The following NEGR1 variants were observed in gnomAD, a reference collection of about 807,000 sequenced individuals.
NEGR1 encodes IgLON family member 4.
In NEGR1, 10 loss-of-function variants were observed where a neutral mutation model predicts 40.9. That is an observed-to-expected ratio of 0.24 (90% CI 0.15 to 0.42). The LOEUF (loss-of-function observed/expected upper bound fraction) is 0.42. Among genes scored for constraint, NEGR1 ranks in the 10% least tolerant of loss-of-function variants. The pLI, the probability that NEGR1 is intolerant of heterozygous loss-of-function variation, is 1.00. For synonymous variants in NEGR1, 185 were observed against 166.8 expected (o/e 1.11, Z -0.84); for missense variants, 352 against 438.9 (o/e 0.80, Z 1.77).
chr1:71,626,409 T>C (rs1210172591), intron 4 of NEGR1, among the ~76,000 whole-genome samples: 2 of 138,530 alleles, frequency 1.4e-5, no homozygotes, highest in Non-Finnish European at 3.1e-5. Context: ...CCCCTTCCTA[T>C]GTCCATGTAT....
chr1:71,652,409 A>T (rs1224572809), intron 4 of NEGR1, among the ~76,000 whole-genome samples: 1 of 152,172 alleles, frequency 6.6e-6, no homozygotes, highest in Non-Finnish European at 1.5e-5. Flanking sequence ...AGTCAGCAAC[A>T]TGGTCAAATC....
At chr1:72,196,666 A>AGGC (rs79323473) in intron 1 of NEGR1, among the ~76,000 whole-genome samples, 72,462 of 151,146 alleles carry the variant, frequency 0.48, 18,073 homozygotes, top group African/African-American at 0.59. Context: ...GTTACAAGTG[A>AGGC]TCAAGGATGA....
At position 71,673,294 on chromosome 1, in the gene NEGR1, T is replaced by C. The variant is rs558417609; in HGVS notation, c.667+24714A>G. ...CAGCCTATTATCATACTAATGGGTA[T>C]CTTTGTAAACAAGTTAACCAGGCAT... On this transcript the variant is annotated intron_variant, in intron 4 of 6. Transcript: ENST00000357731. Among the ~76,000 whole-genome samples the C allele has an allele frequency of 2.1e-4, 32 of 152,290 alleles. No homozygotes were observed. In the East Asian group the frequency reaches 6.0e-3, roughly 28 times the overall value.
chr1:71,890,308 G>A (rs1335113279), intron 2 of NEGR1, among the ~76,000 whole-genome samples: 1 of 23,600 alleles, frequency 4.2e-5, no homozygotes, highest in Admixed American at 7.9e-4. Flanking sequence ...TCAGTGTGCT[G>A]TATTCAGGAA....
At chr1:71,410,662 T>C (rs556932469) in intron 6 of NEGR1, among the ~76,000 whole-genome samples, 1 of 152,286 alleles carries the variant, frequency 6.6e-6, no homozygotes, top group African/African-American at 2.4e-5. Context: ...TGTTATAACA[T>C]TCCATTGTTG....
intron 2 of NEGR1, among the ~76,000 whole-genome samples, chr1:71,898,978 TAGC>T (rs1157670997): frequency 3.9e-3 from 126 of 32,062 alleles, no homozygotes; most frequent in African/African-American, 0.014. Context: ...TATATATATA[TAGC>T]ATATATATAT....
chr1:72,178,462 T>TA (rs756796150), intron 1 of NEGR1, among the ~76,000 whole-genome samples: 1 of 151,606 alleles, frequency 6.6e-6, no homozygotes, highest in Non-Finnish European at 1.5e-5. Flanking sequence ...ACAGCTCACA[T>TA]AAAAAACTAG....
At chr1:71,458,150 A>G (rs868456832) in intron 6 of NEGR1, among the ~76,000 whole-genome samples, 2 of 152,328 alleles carry the variant, frequency 1.3e-5, no homozygotes, top group African/African-American at 2.4e-5. Flanking sequence ...TGAAGAGCTC[A>G]TTTATTCATT....
intron 1 of NEGR1, among the ~76,000 whole-genome samples, chr1:71,965,821 C>T (rs761726433): frequency 6.6e-6 from 1 of 152,036 alleles, no homozygotes; most frequent in Non-Finnish European, 1.5e-5. Context: ...ATCATTATGT[C>T]CTCCTTAGAT....
intron 1 of NEGR1, among the ~76,000 whole-genome samples, chr1:71,937,073 G>T (rs967482229): frequency 6.6e-6 from 1 of 152,160 alleles, no homozygotes; most frequent in African/African-American, 2.4e-5. Context: ...AAAGCAACAG[G>T]GTGGGCTGCT....
At chr1:71,566,979 C>T (rs898801638) in intron 6 of NEGR1, among the ~76,000 whole-genome samples, 10 of 152,164 alleles carry the variant, frequency 6.6e-5, no homozygotes, top group African/African-American at 2.2e-4. Flanking sequence ...GTTCACCTCC[C>T]AAAGGGCCTA....
chr1:71,858,711 T>C (rs901436278), intron 2 of NEGR1, among the ~76,000 whole-genome samples: 1 of 152,104 alleles, frequency 6.6e-6, no homozygotes, highest in African/African-American at 2.4e-5. Context: ...TCCCAGCAGA[T>C]GGTTATTGGG....
intron 1 of NEGR1, among the ~76,000 whole-genome samples, chr1:72,031,222 T>C (rs1407895313): frequency 6.6e-6 from 1 of 152,138 alleles, no homozygotes; most frequent in East Asian, 1.9e-4. Context: ...GAGACACTAC[T>C]TGGATTAAAG....
chr1:72,047,583 AATAAT>A (rs1271146175), intron 1 of NEGR1, among the ~76,000 whole-genome samples: 1 of 151,446 alleles, frequency 6.6e-6, no homozygotes, highest in Admixed American at 6.6e-5. Flanking sequence ...AATCTTTTAT[AATAAT>A]ATATGATTCA....
chr1:71,420,789 A>G (rs1473998151), intron 6 of NEGR1, among the ~76,000 whole-genome samples: 1 of 152,066 alleles, frequency 6.6e-6, no homozygotes, highest in African/African-American at 2.4e-5. Context: ...ATTTTGCTTC[A>G]TGCTTTTATA....
rs1179954460 is a variant in NEGR1, at chr1:71,398,212, AG to A, written c.*9233del. ...CAGAGTCCCTACTGGGACACCACGTAGTGGAGCTGTGAGAAGTGGGCCACTG... is the reference window on the plus strand; with the variant it reads ...CAGAGTCCCTACTGGGACACCACGTATGGAGCTGTGAGAAGTGGGCCACTG... On this transcript the variant is annotated 3_prime_UTR_variant, in exon 7 of 7. Coordinates refer to ENST00000357731, the MANE Select transcript of NEGR1 (RefSeq NM_173808.3). The A allele has an allele frequency of 6.6e-6, 1 of 152,362 alleles. No individual in the cohort carries two copies. The allele number at this position is 152,362 out of a possible 1,614,324, so 9.4% of individuals were successfully genotyped here.
chr1:71,807,960 AT>A (rs978400717), intron 2 of NEGR1, among the ~76,000 whole-genome samples: 7 of 152,214 alleles, frequency 4.6e-5, no homozygotes, highest in Non-Finnish European at 1.0e-4. Flanking sequence ...CTACTATCTA[AT>A]TCTTATACAT....
At chr1:72,205,942 C>CA (rs66699045) in intron 1 of NEGR1, among the ~76,000 whole-genome samples, 4,473 of 115,406 alleles carry the variant, frequency 0.039, 240 homozygotes, top group African/African-American at 0.13. Flanking sequence ...GACTCTGTCT[C>CA]AAAAAAAAAA....
intron 3 of NEGR1, among the ~76,000 whole-genome samples, chr1:71,718,701 TA>T (rs1250779082): frequency 2.0e-5 from 3 of 152,214 alleles, no homozygotes; most frequent in Non-Finnish European, 2.9e-5. Context: ...ACAGGATATA[TA>T]AAAAAGCCTG....
Sources: allele counts gnomAD v4.1 joint callset (sites outside exome capture counted in the v4.1 genomes callset), GRCh38; gene constraint gnomAD v4.1.1; transcripts MANE v1.5; gene names NCBI Gene and HGNC (gene_info 2026-07-23, HGNC 2026-07-21).